L3MBTL4: variants seen among roughly 807,000 people sequenced by gnomAD.
L3MBTL4 encodes L3MBTL histone methyl-lysine binding protein 4.
L3MBTL4 carries 70 observed loss-of-function variants against 84.5 expected under a neutral mutation model. The ratio of observed to expected loss-of-function variants is 0.83; its 90% CI spans 0.68 to 1.01. The LOEUF is 1.01. Ranked by LOEUF, L3MBTL4 falls within the 50% of genes least tolerant of loss-of-function variation. The probability of loss-of-function intolerance (pLI) is 0.00; values close to 1 mark genes in which losing one functional copy is unlikely to be tolerated. For missense variants in L3MBTL4, 715 were observed against 754.8 expected (o/e 0.95, Z 0.62); for synonymous variants, 274 against 259.8 (o/e 1.05, Z -0.52).
chr18:6,377,657 CT>C (rs1301614809), intron 1 of L3MBTL4, among the ~76,000 whole-genome samples: 1 of 152,142 alleles, frequency 6.6e-6, no homozygotes, highest in Admixed American at 6.5e-5. Context: ...TGAACACATC[CT>C]TTTTTATGGC....
intron 5 of L3MBTL4, among the ~76,000 whole-genome samples, chr18:6,249,853 T>C (rs979026672): frequency 2.6e-5 from 4 of 152,318 alleles, no homozygotes; most frequent in Middle Eastern, 6.8e-3. Context: ...TTCAGAGACC[T>C]GGAAAAAATT....
At chr18:6,149,066 A>T (rs887535092) in intron 13 of L3MBTL4, among the ~76,000 whole-genome samples, 3 of 152,100 alleles carry the variant, frequency 2.0e-5, no homozygotes, top group African/African-American at 7.2e-5. Flanking sequence ...TTATTATTAT[A>T]CTTTAAGTTT....
intron 16 of L3MBTL4, chr18:6,046,691 AG>A: frequency 1.3e-6 from 1 of 758,182 alleles, no homozygotes; most frequent in Non-Finnish European, 2.4e-6. Context: ...AGTAAAAAAA[AG>A]TCTTTGAAAT....
At chr18:6,285,725 A>G (rs1334164028) in intron 4 of L3MBTL4, among the ~76,000 whole-genome samples, 2 of 151,924 alleles carry the variant, frequency 1.3e-5, no homozygotes, top group Non-Finnish European at 1.5e-5. Context: ...CTCTAAGACT[A>G]GTTTGACCCA....
At chr18:6,030,798 C>T (rs531865061) in intron 16 of L3MBTL4, 50 of 984,928 alleles carry the variant, frequency 5.1e-5, no homozygotes, top group East Asian at 1.1e-4. Context: ...GCATTAAAAA[C>T]GTCTTACGAT....
chr18:6,068,477 C>T lies in L3MBTL4; in HGVS notation c.1444+12404G>A, dbSNP rs976431374. Among the ~76,000 whole-genome samples the T allele has an allele frequency of 3.3e-5, 5 of 152,140 alleles. No individual in the cohort carries two copies. The East Asian group carries it at 9.6e-4, about 29-fold the overall frequency. ...CTGCCAGGCAAGCAGGAAAGCTATCCACCTTCCTGTCCCAGTATTCCAGCT... is the reference window on the plus strand; with the variant it reads ...CTGCCAGGCAAGCAGGAAAGCTATCTACCTTCCTGTCCCAGTATTCCAGCT... On this transcript the variant is annotated intron_variant, in intron 16 of 18. Transcript: ENST00000317931.
chr18:6,140,590 T>C (rs2060167463), intron 13 of L3MBTL4, among the ~76,000 whole-genome samples: 1 of 152,036 alleles, frequency 6.6e-6, no homozygotes, highest in South Asian at 2.1e-4. Flanking sequence ...CCCTCCTTCC[T>C]TTCCACTGCA....
intron 16 of L3MBTL4, among the ~76,000 whole-genome samples, chr18:5,991,982 C>T (rs1044210099): frequency 1.5e-5 from 2 of 132,780 alleles, no homozygotes; most frequent in African/African-American, 5.7e-5. Context: ...TACATCCATC[C>T]AGTGCATCCA....
intron 14 of L3MBTL4, among the ~76,000 whole-genome samples, chr18:6,120,843 C>G (rs1002132783): frequency 2.0e-5 from 3 of 152,166 alleles, no homozygotes; most frequent in Non-Finnish European, 2.9e-5. Flanking sequence ...ACTGTGTGAA[C>G]AGGACACAAT....
chr18:6,100,210 C>T (rs555515249), intron 14 of L3MBTL4, among the ~76,000 whole-genome samples: 18 of 152,050 alleles, frequency 1.2e-4, no homozygotes, highest in Non-Finnish European at 2.4e-4. Flanking sequence ...TGAGATAATC[C>T]ATGCAAGGCC....
At chr18:6,346,260 T>C (rs1346468292) in intron 1 of L3MBTL4, among the ~76,000 whole-genome samples, 6 of 151,718 alleles carry the variant, frequency 4.0e-5, no homozygotes, top group Non-Finnish European at 2.9e-5. Context: ...AAGGGAAAAG[T>C]GTCTTCACAT....
At chr18:6,319,225 G>A (rs774828804) in intron 1 of L3MBTL4, among the ~76,000 whole-genome samples, 19 of 151,928 alleles carry the variant, frequency 1.3e-4, no homozygotes, top group Non-Finnish European at 2.1e-4. Context: ...GGAACTATGA[G>A]AGAAGAACTA....
At chr18:6,351,328 C>T (rs975005639) in intron 1 of L3MBTL4, among the ~76,000 whole-genome samples, 3 of 152,012 alleles carry the variant, frequency 2.0e-5, no homozygotes, top group African/African-American at 7.2e-5. Context: ...TTCATAAAGA[C>T]GGAAAGTAGA....
chr18:6,257,938 G>T (rs115204499), intron 5 of L3MBTL4, among the ~76,000 whole-genome samples: 1 of 152,130 alleles, frequency 6.6e-6, no homozygotes, highest in East Asian at 1.9e-4. Context: ...GAGCCACATC[G>T]CCGGGCTCTA....
Position 6,048,286 on chromosome 18 carries a change from AT to A in L3MBTL4, c.1444+32594del, listed in dbSNP as rs562613363. Among the ~76,000 whole-genome samples, 78 of 152,362 alleles carry A rather than the reference AT, an allele frequency of 5.1e-4. 1 individual carries two copies. In the South Asian group the frequency reaches 0.016, roughly 32 times the overall value. On this transcript the variant is annotated intron_variant, in intron 16 of 18. Transcript: ENST00000317931. ...ATGTTCATGGATTGGAAAAATTAGT[AT>A]CATTAAAATGGCCATACTGCCCCAG...
chr18:6,241,589 C>T, intron 7 of L3MBTL4, 140 bp from the exon 8 acceptor site: 1 of 534,178 alleles, frequency 1.9e-6, no homozygotes, highest in South Asian at 3.2e-5. Context: ...TTGCACCAAC[C>T]TCATATGGTT....
rs151031064 is a variant in L3MBTL4, at chr18:6,156,018, C to G, written c.1096+15810G>C. 5.3e-5 allele frequency among the ~76,000 whole-genome samples: 8 copies of G among 152,246 alleles called. No homozygotes were observed. In the East Asian group the frequency reaches 1.5e-3, roughly 29 times the overall value. On this transcript the variant is annotated intron_variant, in intron 13 of 18. Transcript: ENST00000317931. ...TGAAAGATTTTCCAAGATGCTAATACCATTAAGCTTGTCCTTAAAGCAACA... is the reference window on the plus strand; with the variant it reads ...TGAAAGATTTTCCAAGATGCTAATAGCATTAAGCTTGTCCTTAAAGCAACA...
intron 12 of L3MBTL4, among the ~76,000 whole-genome samples, chr18:6,200,076 T>A (rs1411714790): frequency 6.6e-6 from 1 of 151,824 alleles, no homozygotes; most frequent in East Asian, 1.9e-4. Flanking sequence ...AGAAGAGGGG[T>A]TAAGGGATAT....
intron 3 of L3MBTL4, among the ~76,000 whole-genome samples, chr18:6,303,805 G>A (rs2050448535): frequency 6.6e-6 from 1 of 152,052 alleles, no homozygotes; most frequent in African/African-American, 2.4e-5. Flanking sequence ...CTGAGGTCAG[G>A]AGTTCGAGAC....
Sources: allele counts gnomAD v4.1 joint callset (sites outside exome capture counted in the v4.1 genomes callset), GRCh38; gene constraint gnomAD v4.1.1; transcripts MANE v1.5; gene names NCBI Gene and HGNC (gene_info 2026-07-23, HGNC 2026-07-21).